Variants in LHFPL3 observed in about 807,000 individuals in gnomAD.
LHFPL3 encodes the protein LHFPL tetraspan subfamily member 3.
A neutral mutation model predicts 19.3 loss-of-function variants in LHFPL3; 5 were observed. The observed-to-expected ratio is 0.26, with a 90% CI of 0.14 to 0.54. LHFPL3 has a LOEUF of 0.54. LHFPL3 is among the 20% of genes least tolerant of loss of function. The pLI is 0.94. For missense variants in LHFPL3, 249 were observed against 307.4 expected (o/e 0.81, Z 1.42); for synonymous variants, 133 against 126.2 (o/e 1.05, Z -0.36).
chr7:104,819,529 G>T (rs939333610), intron 2 of LHFPL3, among the ~76,000 whole-genome samples: 2 of 152,124 alleles, frequency 1.3e-5, no homozygotes, highest in Non-Finnish European at 1.5e-5. Context: ...GGGAGCCTGT[G>T]CCTTTCCCCT....
At chr7:104,369,012 AG>A (rs1790556380) in intron 1 of LHFPL3, among the ~76,000 whole-genome samples, 2 of 152,206 alleles carry the variant, frequency 1.3e-5, no homozygotes, top group African/African-American at 4.8e-5. Context: ...TACATCATTC[AG>A]GGTCTCTCCG....
At chr7:104,857,855 T>C (rs1361517676) in intron 2 of LHFPL3, among the ~76,000 whole-genome samples, 1 of 152,222 alleles carries the variant, frequency 6.6e-6, no homozygotes. Context: ...ACTGAAACTA[T>C]GCACAAGAGC....
chr7:104,378,155 G>C (rs925488187), intron 1 of LHFPL3, among the ~76,000 whole-genome samples: 2 of 151,972 alleles, frequency 1.3e-5, no homozygotes, highest in African/African-American at 4.8e-5. Flanking sequence ...GTATTTATGA[G>C]GTACATGAGG....
At chr7:104,709,082 G>T (rs1372085555) in intron 1 of LHFPL3, among the ~76,000 whole-genome samples, 2 of 151,912 alleles carry the variant, frequency 1.3e-5, no homozygotes, top group Non-Finnish European at 2.9e-5. Flanking sequence ...TTGCTCTAAA[G>T]TTCAACAACA....
intron 1 of LHFPL3, among the ~76,000 whole-genome samples, chr7:104,432,947 A>G (rs1306889769): frequency 6.6e-6 from 1 of 151,734 alleles, no homozygotes; most frequent in East Asian, 1.9e-4. Flanking sequence ...CCCTCTCCCT[A>G]CCTCACTGTT....
At chr7:104,349,133 A>T (rs1369736651) in intron 1 of LHFPL3, among the ~76,000 whole-genome samples, 3 of 152,362 alleles carry the variant, frequency 2.0e-5, no homozygotes, top group Non-Finnish European at 4.4e-5. Context: ...CTATATAGGT[A>T]GAGAAAGAAC....
intron 1 of LHFPL3, among the ~76,000 whole-genome samples, chr7:104,476,874 G>C (rs942447488): frequency 6.6e-6 from 1 of 152,182 alleles, no homozygotes; most frequent in Non-Finnish European, 1.5e-5. Context: ...ATAGAAGCAC[G>C]TATCAGGGCA....
At chr7:104,420,917 A>G (rs1335040821) in intron 1 of LHFPL3, among the ~76,000 whole-genome samples, 2 of 152,172 alleles carry the variant, frequency 1.3e-5, no homozygotes, top group Non-Finnish European at 2.9e-5. Context: ...ACAGAATGGA[A>G]GAGTAAGTAT....
At chr7:104,595,283 T>C (rs1790824259) in intron 1 of LHFPL3, among the ~76,000 whole-genome samples, 1 of 152,194 alleles carries the variant, frequency 6.6e-6, no homozygotes, top group African/African-American at 2.4e-5. Context: ...TAGTTTTCCT[T>C]GTAACAATCA....
At chr7:104,551,897 T>G (rs187850684) in intron 1 of LHFPL3, among the ~76,000 whole-genome samples, 2 of 152,214 alleles carry the variant, frequency 1.3e-5, no homozygotes, top group Admixed American at 6.5e-5. Flanking sequence ...ATCTGGTCAT[T>G]TACTTGTTTC....
rs1234621052 is a variant in LHFPL3, at chr7:104,588,951, G to GCA, written c.446-147721_446-147720dup. ...GTGTGTAGGAATGCTGGTGATTTTTGCACATTGATTTTGTATCCTGAGACT... is the reference window on the plus strand; with the variant it reads ...GTGTGTAGGAATGCTGGTGATTTTTGCACACATTGATTTTGTATCCTGAGACT... On this transcript the variant is annotated intron_variant, in intron 1 of 2. Transcript: ENST00000424859. Among the ~76,000 whole-genome samples the GCA allele has an allele frequency of 3.3e-5, 5 of 152,070 alleles. No homozygotes were observed. In the East Asian group the frequency reaches 7.7e-4, roughly 23 times the overall value.
At chr7:104,565,757 ATCTATCT>A in intron 1 of LHFPL3, among the ~76,000 whole-genome samples, 1 of 146,680 alleles carries the variant, frequency 6.8e-6, no homozygotes, top group Middle Eastern at 3.5e-3. Flanking sequence ...CTATCTATCT[ATCTATCT>A]ATCTATCTAA....
At chr7:104,464,999 T>C (rs950599891) in intron 1 of LHFPL3, among the ~76,000 whole-genome samples, 3 of 152,220 alleles carry the variant, frequency 2.0e-5, no homozygotes, top group African/African-American at 7.2e-5. Context: ...TCTTAAATGC[T>C]TTGCTACTTA....
At chr7:104,802,349 C>G (rs1423953924) in intron 2 of LHFPL3, among the ~76,000 whole-genome samples, 3 of 151,914 alleles carry the variant, frequency 2.0e-5, no homozygotes, top group Non-Finnish European at 4.4e-5. Flanking sequence ...ACAAAATCAG[C>G]TGAGCATGGT....
chr7:104,842,158 C>A (rs2116590148), intron 2 of LHFPL3, among the ~76,000 whole-genome samples: 1 of 147,494 alleles, frequency 6.8e-6, no homozygotes, highest in South Asian at 2.2e-4. Context: ...TTCTGATCAA[C>A]CTCCTCACAC....
intron 2 of LHFPL3, among the ~76,000 whole-genome samples, chr7:104,902,106 G>A (rs1308556914): frequency 6.6e-6 from 1 of 152,138 alleles, no homozygotes; most frequent in Non-Finnish European, 1.5e-5. Flanking sequence ...ATGGCCAGGT[G>A]CAGTGGCTCA....
chr7:104,343,512 C>CAAA (rs536122769), intron 1 of LHFPL3, among the ~76,000 whole-genome samples: 5 of 47,476 alleles, frequency 1.1e-4, no homozygotes, highest in South Asian at 9.6e-4. Flanking sequence ...GACTCTGTCT[C>CAAA]AAAAAAAAAA....
chr7:104,589,078 CT>C (rs1790647937), intron 1 of LHFPL3, among the ~76,000 whole-genome samples: 1 of 151,384 alleles, frequency 6.6e-6, no homozygotes, highest in Non-Finnish European at 1.5e-5. Flanking sequence ...TTGACTTCCT[CT>C]TTTCCTAATT....
At chr7:104,711,116 T>C (rs929003965) in intron 1 of LHFPL3, among the ~76,000 whole-genome samples, 4 of 152,226 alleles carry the variant, frequency 2.6e-5, no homozygotes, top group Non-Finnish European at 1.5e-5. Flanking sequence ...CAAACTTTCA[T>C]ATGTGTCAAA....
Sources: gnomAD v4.1 joint callset for allele counts (sites outside exome capture counted in the v4.1 genomes callset) on GRCh38, gnomAD v4.1.1 for gene constraint, MANE v1.5 for transcripts, NCBI Gene and HGNC (gene_info 2026-07-23, HGNC 2026-07-21) for gene names.